SLC35F1: variants seen among roughly 807,000 people sequenced by gnomAD.
SLC35F1 encodes chromosome 6 open reading frame 169.
A neutral mutation model predicts 48.7 loss-of-function variants in SLC35F1; 14 were observed. That is an observed-to-expected ratio of 0.29 (90% CI 0.19 to 0.45). SLC35F1 has a LOEUF of 0.45. Among genes scored for constraint, SLC35F1 ranks in the 20% least tolerant of loss-of-function variants. SLC35F1 has a pLI of 1.00. For synonymous variants in SLC35F1, 190 were observed against 202.2 expected (o/e 0.94, Z 0.51); for missense variants, 404 against 500.0 (o/e 0.81, Z 1.83).
chr6:118,046,241 T>C (rs1772298137), intron 1 of SLC35F1, among the ~76,000 whole-genome samples: 1 of 152,200 alleles, frequency 6.6e-6, no homozygotes, highest in South Asian at 2.1e-4. Flanking sequence ...CTGTCTTAGA[T>C]CTGCCCCTAC....
At chr6:118,278,890 T>C (rs546817155) in intron 6 of SLC35F1, among the ~76,000 whole-genome samples, 1 of 152,356 alleles carries the variant, frequency 6.6e-6, no homozygotes, top group South Asian at 2.1e-4. Flanking sequence ...GGATGCCATG[T>C]GCATATCCAC....
chr6:118,215,727 G>A (rs1775063020), intron 2 of SLC35F1, among the ~76,000 whole-genome samples: 1 of 152,202 alleles, frequency 6.6e-6, no homozygotes, highest in African/African-American at 2.4e-5. Flanking sequence ...GCAGCTTGTA[G>A]TTGATGACTC....
intron 1 of SLC35F1, among the ~76,000 whole-genome samples, chr6:118,011,744 A>G (rs531746464): frequency 1.9e-4 from 29 of 152,320 alleles, no homozygotes; most frequent in African/African-American, 7.0e-4. Context: ...ACAGGCCACC[A>G]ACCAGTACCA....
At chr6:118,183,819 A>G (rs190279146) in intron 2 of SLC35F1, among the ~76,000 whole-genome samples, 3 of 152,232 alleles carry the variant, frequency 2.0e-5, no homozygotes, top group Non-Finnish European at 2.9e-5. Context: ...TACTGTGAAC[A>G]TTTCTTCCAG....
chr6:118,058,973 AG>A (rs1772499615), intron 1 of SLC35F1, among the ~76,000 whole-genome samples: 2 of 152,208 alleles, frequency 1.3e-5, no homozygotes, highest in South Asian at 4.1e-4. Flanking sequence ...GGTGTCACAA[AG>A]CTAACCTCAG....
Position 117,907,700 on chromosome 6 carries a change from C to T in SLC35F1, c.-27C>T. The T allele has an allele frequency of 1.4e-6, 2 of 1,417,400 alleles. No individual in the cohort carries two copies. Among genetic ancestry groups the T allele is most frequent in the Non-Finnish European group, 1.9e-6 (2 of 1,053,298 alleles). 87.8% of individuals were successfully genotyped at this position (1,417,400 alleles called of 1,614,324 possible). A position where few individuals can be genotyped will look rare whatever the true frequency, so the allele number is the denominator to read the frequency against. ...ACGATGCACCCGGCTGCGTTCTGAT[C>T]GCCGCCGCGCCTCAGCCTCTGCCGC... is the stretch of plus-strand genomic sequence containing the variant. On this transcript the variant is annotated 5_prime_UTR_variant, in exon 1 of 8. Coordinates refer to ENST00000360388, the MANE Select transcript of SLC35F1 (RefSeq NM_001029858.4).
At chr6:118,286,361 C>T (rs185540719) in intron 7 of SLC35F1, among the ~76,000 whole-genome samples, 8 of 152,100 alleles carry the variant, frequency 5.3e-5, no homozygotes, top group African/African-American at 1.2e-4. Context: ...AGGGTGTAGA[C>T]GTTCCTGGAG....
chr6:118,227,553 A>T (rs1483614831), intron 2 of SLC35F1, among the ~76,000 whole-genome samples: 2 of 152,224 alleles, frequency 1.3e-5, no homozygotes, highest in Non-Finnish European at 2.9e-5. Context: ...TAACGTAAAA[A>T]ATACCAGAAC....
At chr6:118,272,106 G>A (rs1775858603) in intron 4 of SLC35F1, among the ~76,000 whole-genome samples, 1 of 152,172 alleles carries the variant, frequency 6.6e-6, no homozygotes, top group South Asian at 2.1e-4. Flanking sequence ...CTCAATTCAT[G>A]TAGCCTTTTA....
intron 1 of SLC35F1, among the ~76,000 whole-genome samples, chr6:117,942,566 A>G (rs1776245668): frequency 6.6e-6 from 1 of 152,234 alleles, no homozygotes; most frequent in Non-Finnish European, 1.5e-5. Flanking sequence ...TACATTTTGT[A>G]TAGCTTTTAA....
intron 3 of SLC35F1, among the ~76,000 whole-genome samples, chr6:118,252,185 C>T (rs574927629): frequency 2.0e-5 from 3 of 152,132 alleles, no homozygotes; most frequent in South Asian, 4.2e-4. Context: ...ATTTTTAGAT[C>T]GTCATTGCTG....
chr6:118,157,595 C>A (rs1262876760), intron 2 of SLC35F1, among the ~76,000 whole-genome samples: 5 of 152,118 alleles, frequency 3.3e-5, no homozygotes, highest in South Asian at 2.1e-4. Context: ...GGCCGAAGTC[C>A]CCAAAGCTCC....
intron 3 of SLC35F1, among the ~76,000 whole-genome samples, chr6:118,257,428 G>C (rs960726567): frequency 6.6e-6 from 1 of 152,148 alleles, no homozygotes; most frequent in Non-Finnish European, 1.5e-5. Context: ...GGCTAAGAAA[G>C]TTGAGGCTAA....
At chr6:118,260,878 A>G (rs1230174581) in intron 3 of SLC35F1, among the ~76,000 whole-genome samples, 3 of 152,182 alleles carry the variant, frequency 2.0e-5, no homozygotes, top group Non-Finnish European at 4.4e-5. Context: ...AGTTGTGTGT[A>G]TCTACGCCTT....
At chr6:118,279,584 G>A (rs770272053) in intron 6 of SLC35F1, among the ~76,000 whole-genome samples, 1 of 152,164 alleles carries the variant, frequency 6.6e-6, no homozygotes, top group Non-Finnish European at 1.5e-5. Context: ...GGAGACAATG[G>A]CAGGAGACTT....
intron 7 of SLC35F1, among the ~76,000 whole-genome samples, chr6:118,301,419 A>G (rs1350736958): frequency 7.2e-5 from 11 of 152,186 alleles, no homozygotes; most frequent in Admixed American, 4.6e-4. Flanking sequence ...TGCTTAGGGA[A>G]CATCTCAAGG....
intron 1 of SLC35F1, among the ~76,000 whole-genome samples, chr6:118,001,628 C>T (rs1203207264): frequency 2.0e-5 from 3 of 151,852 alleles, no homozygotes; most frequent in East Asian, 3.9e-4. Context: ...AGAGCTTCTG[C>T]ACAGCAAAAG....
At chr6:117,935,177 A>G (rs1010273219) in intron 1 of SLC35F1, among the ~76,000 whole-genome samples, 1 of 152,228 alleles carries the variant, frequency 6.6e-6, no homozygotes. Context: ...TTCTACACCA[A>G]GAAAACCTAT....
chr6:117,915,158 A>T (rs974787957), intron 1 of SLC35F1, among the ~76,000 whole-genome samples: 2 of 152,204 alleles, frequency 1.3e-5, no homozygotes, highest in Non-Finnish European at 2.9e-5. Flanking sequence ...TATATTTTAT[A>T]TATGGATTTT....
Sources: gnomAD v4.1 joint callset for allele counts (sites outside exome capture counted in the v4.1 genomes callset) on GRCh38, gnomAD v4.1.1 for gene constraint, MANE v1.5 for transcripts, NCBI Gene and HGNC (gene_info 2026-07-23, HGNC 2026-07-21) for gene names.